The following CNNM1 variants were observed in gnomAD, a reference collection of about 807,000 sequenced individuals.
CNNM1 encodes the protein metal transporter CNNM1.
A neutral mutation model predicts 78.8 loss-of-function variants in CNNM1; 44 were observed. The ratio of observed to expected loss-of-function variants is 0.56; its 90% confidence interval spans 0.44 to 0.72. CNNM1 has a LOEUF of 0.72. CNNM1 is among the 30% of genes least tolerant of loss of function. CNNM1 has a pLI of 0.00. For synonymous variants in CNNM1, 584 were observed against 581.5 expected (o/e 1.00, Z -0.06); for missense variants, 1,101 against 1,292.2 (o/e 0.85, Z 2.27).
At chr10:99,348,052 T>TA (rs56800200) in intron 1 of CNNM1, among the ~76,000 whole-genome samples, 5,138 of 96,276 alleles carry the variant, frequency 0.053, 193 homozygotes, top group East Asian at 0.18. Context: ...ATATATATAT[T>TA]TTTTTTTTTT....
chr10:99,342,503 T>C (rs1490583761), intron 1 of CNNM1, among the ~76,000 whole-genome samples: 1 of 152,246 alleles, frequency 6.6e-6, no homozygotes, highest in South Asian at 2.1e-4. Flanking sequence ...TTATTTCTGA[T>C]AAAATAGAGC....
chr10:99,384,324 G>A (rs895553121), intron 7 of CNNM1, among the ~76,000 whole-genome samples: 2 of 152,130 alleles, frequency 1.3e-5, no homozygotes, highest in African/African-American at 4.8e-5. Flanking sequence ...CATTGACATG[G>A]CAGGAGTTCA....
At chr10:99,381,493 G>A (rs1283754515) in intron 7 of CNNM1, among the ~76,000 whole-genome samples, 13 of 151,732 alleles carry the variant, frequency 8.6e-5, no homozygotes, top group Non-Finnish European at 1.6e-4. Flanking sequence ...TGTAATCCCA[G>A]CACTTTGGGA....
chr10:99,341,316 C>A (rs913333693), intron 1 of CNNM1, among the ~76,000 whole-genome samples: 1 of 152,092 alleles, frequency 6.6e-6, no homozygotes, highest in Non-Finnish European at 1.5e-5. Flanking sequence ...CAGCCACCCT[C>A]CTGTTTTCCC....
At chr10:99,348,578 T>G (rs2030806117) in intron 1 of CNNM1, among the ~76,000 whole-genome samples, 1 of 152,182 alleles carries the variant, frequency 6.6e-6, no homozygotes, top group Non-Finnish European at 1.5e-5. Context: ...AAAGGAAAGA[T>G]AAAAGATGAC....
chr10:99,365,028 C>T (rs544068369), intron 6 of CNNM1, 26 bp downstream of exon 6: 42 of 1,613,330 alleles, frequency 2.6e-5, no homozygotes, highest in African/African-American at 6.7e-5. Context: ...ACCCCTTCCT[C>T]GTCCTCCCCA....
At position 99,358,063 on chromosome 10, in the gene CNNM1, C is replaced by T. The variant is rs17111572; in HGVS notation, c.1717+408C>T. On this transcript the variant is annotated intron_variant, in intron 2 of 10. Transcript: ENST00000356713. ...ACCCCAACAGGGGTTCCACTCACAT[C>T]AGAACATCGCAGTGAGCAGTGGAGA... Among the ~76,000 whole-genome samples the T allele has an allele frequency of 7.9e-3, 1,196 of 152,322 alleles. 18 individuals carry two copies. The highest frequency in any genetic ancestry group is 0.028 in the African/African-American group (1,148 of 41,582).
intron 1 of CNNM1, among the ~76,000 whole-genome samples, chr10:99,333,504 C>T (rs1007623218): frequency 2.6e-5 from 4 of 152,106 alleles, no homozygotes; most frequent in African/African-American, 9.7e-5. Context: ...ACCAACACGC[C>T]TGGCTAATTT....
Position 99,330,228 on chromosome 10 carries a change from C to T in CNNM1, c.841C>T (p.His281Tyr), listed in dbSNP as rs2134007151. ...GCAGGCCGTTCGCGGCAGGGGGACC[C>T]ATCTGCTCTGCACCCTACTCCTGGG... ...RVQAVRGRGT[H>Y]LLCTLLLGQA... Residue 281 changes from histidine (H) to tyrosine (Y), a missense_variant, in exon 1 of 11, where the codon CAT (histidine) becomes TAT (tyrosine). By Grantham distance (83) the His-to-Tyr change is moderately conservative. Coordinates refer to ENST00000356713, the MANE Select transcript of CNNM1 (RefSeq NM_020348.3). 6.5e-7 allele frequency: 1 copy of T among 1,529,682 alleles called. No homozygotes were observed. The highest frequency in any genetic ancestry group is 2.4e-5 in the East Asian group (1 of 41,532). The allele number at this position is 1,529,682 out of a possible 1,614,324, so 94.8% of individuals were successfully genotyped here.
chr10:99,352,424 A>C (rs954541832), intron 1 of CNNM1, among the ~76,000 whole-genome samples: 6 of 152,204 alleles, frequency 3.9e-5, no homozygotes, highest in African/African-American at 1.4e-4. Context: ...TTGTCGGGTC[A>C]TTTGATAATT....
At chr10:99,343,002 G>T (rs934149177) in intron 1 of CNNM1, among the ~76,000 whole-genome samples, 18 of 150,536 alleles carry the variant, frequency 1.2e-4, no homozygotes, top group African/African-American at 3.4e-4. Context: ...TCTCACTTTT[G>T]TCGCCCAGGC....
chr10:99,372,962 A>T (rs1032443480), intron 6 of CNNM1, among the ~76,000 whole-genome samples: 2 of 151,466 alleles, frequency 1.3e-5, no homozygotes, highest in Non-Finnish European at 3.0e-5. Context: ...TTTTTACTTT[A>T]AAAAAAAAGA....
Position 99,357,656 on chromosome 10 carries a change from G to T in CNNM1, c.1717+1G>T. On this transcript the variant is annotated splice_donor_variant, in intron 2 of 10. Coordinates refer to ENST00000356713, the MANE Select transcript of CNNM1 (RefSeq NM_020348.3). LOFTEE classifies it high-confidence loss of function. The stretch of plus-strand genomic sequence containing the variant: ...ATCCTGGATGAAACTGATCTCTACA[G>T]TAAGTGCACGGCCTTGGCTGTTCTC... The T allele has an allele frequency of 6.2e-7, 1 of 1,606,476 alleles. No individual in the cohort carries two copies.
At chr10:99,380,559 GATGGGTGT>G in intron 7 of CNNM1, among the ~76,000 whole-genome samples, 1 of 152,146 alleles carries the variant, frequency 6.6e-6, no homozygotes, top group Admixed American at 6.5e-5. Context: ...GGGAGGCCAA[GATGGGTGT>G]ATCACCTGAG....
At chr10:99,355,369 A>C (rs1180555191) in intron 1 of CNNM1, among the ~76,000 whole-genome samples, 1 of 152,184 alleles carries the variant, frequency 6.6e-6, no homozygotes, top group Non-Finnish European at 1.5e-5. Flanking sequence ...GCACATGTAT[A>C]CATGTGTAAC....
intron 1 of CNNM1, among the ~76,000 whole-genome samples, chr10:99,333,356 T>A (rs1368666285): frequency 6.6e-6 from 1 of 152,202 alleles, no homozygotes; most frequent in Non-Finnish European, 1.5e-5. Flanking sequence ...TGTTTGTTTG[T>A]TTGTTTGAGA....
chr10:99,382,995 C>T (rs978133886), intron 7 of CNNM1, among the ~76,000 whole-genome samples: 1 of 152,180 alleles, frequency 6.6e-6, no homozygotes, highest in Admixed American at 6.5e-5. Context: ...ATATCTACTG[C>T]AATGAAGAGG....
chr10:99,380,109 C>T (rs531402074), intron 7 of CNNM1, among the ~76,000 whole-genome samples: 10 of 150,316 alleles, frequency 6.7e-5, no homozygotes, highest in Non-Finnish European at 8.8e-5. Flanking sequence ...CCTCTTGCCT[C>T]GGCCTCCCAA....
At chr10:99,358,617 C>T (rs545652148) in intron 2 of CNNM1, among the ~76,000 whole-genome samples, 7 of 152,256 alleles carry the variant, frequency 4.6e-5, no homozygotes, top group African/African-American at 1.7e-4. Context: ...AAGAGATCAA[C>T]TCTAAAAGGT....
Sources: gnomAD v4.1 joint callset for allele counts (sites outside exome capture counted in the v4.1 genomes callset) on GRCh38, gnomAD v4.1.1 for gene constraint, MANE v1.5 for transcripts, NCBI Gene and HGNC (gene_info 2026-07-23, HGNC 2026-07-21) for gene names.